Variants in PTPRM observed in about 807,000 individuals in gnomAD.
PTPRM encodes the protein protein tyrosine phosphatase receptor type M.
In PTPRM, 47 loss-of-function variants were observed where a neutral mutation model predicts 186.7. That is an observed-to-expected ratio of 0.25 (90% confidence interval 0.20 to 0.32). The LOEUF is 0.32. Among genes scored for constraint, PTPRM ranks in the 10% least tolerant of loss-of-function variants. The pLI, the probability that PTPRM is intolerant of heterozygous loss-of-function variation, is 1.00. For synonymous variants in PTPRM, 668 were observed against 674.9 expected (o/e 0.99, Z 0.16); for missense variants, 1,494 against 1,865.0 (o/e 0.80, Z 3.66).
At chr18:8,256,351 C>T (rs1054590856) in intron 19 of PTPRM, among the ~76,000 whole-genome samples, 2 of 152,202 alleles carry the variant, frequency 1.3e-5, no homozygotes, top group African/African-American at 4.8e-5. Flanking sequence ...CTCTCTGGGC[C>T]TCAGTTTCCA....
At chr18:8,258,730 G>T (rs1489625221) in intron 19 of PTPRM, among the ~76,000 whole-genome samples, 2 of 152,136 alleles carry the variant, frequency 1.3e-5, no homozygotes, top group Non-Finnish European at 2.9e-5. Flanking sequence ...GCTACTTCCA[G>T]AGAGGATGTC....
At position 7,633,550 on chromosome 18, in the gene PTPRM, G is replaced by A. The variant is rs77010222; in HGVS notation, c.73+65659G>A. Among the ~76,000 whole-genome samples the A allele has an allele frequency of 6.2e-3, 944 of 152,074 alleles. 10 individuals are homozygous for A. The highest frequency in any genetic ancestry group is 0.021 in the African/African-American group (877 of 41,472). ...TCCCACCTTCCCTTCACTCCTCTTGGAATCCCCATGTTGTCACCTGTGTGT... is the reference window on the plus strand; with the variant it reads ...TCCCACCTTCCCTTCACTCCTCTTGAAATCCCCATGTTGTCACCTGTGTGT... On this transcript the variant is annotated intron_variant, in intron 1 of 32. Transcript: ENST00000580170.
At chr18:8,271,357 A>C (rs2094769164) in intron 19 of PTPRM, among the ~76,000 whole-genome samples, 1 of 151,802 alleles carries the variant, frequency 6.6e-6, no homozygotes, top group Admixed American at 6.6e-5. Flanking sequence ...CAAAAAGCCA[A>C]CCCTTCATCC....
intron 2 of PTPRM, among the ~76,000 whole-genome samples, chr18:7,872,736 G>A (rs1288913504): frequency 1.3e-5 from 2 of 152,174 alleles, no homozygotes; most frequent in Non-Finnish European, 2.9e-5. Context: ...TTAGTATCGA[G>A]TGCCTCTGTG....
intron 1 of PTPRM, among the ~76,000 whole-genome samples, chr18:7,730,317 G>C (rs936749345): frequency 6.6e-6 from 1 of 152,130 alleles, no homozygotes; most frequent in African/African-American, 2.4e-5. Flanking sequence ...GTCTGACACT[G>C]TTTGAATATT....
At chr18:8,199,881 A>T (rs764079956) in intron 14 of PTPRM, among the ~76,000 whole-genome samples, 3 of 152,192 alleles carry the variant, frequency 2.0e-5, no homozygotes, top group Non-Finnish European at 2.9e-5. Flanking sequence ...TATAAATAAG[A>T]TTACAATGAA....
intron 2 of PTPRM, among the ~76,000 whole-genome samples, chr18:7,804,799 C>A (rs1261395564): frequency 6.6e-6 from 1 of 152,176 alleles, no homozygotes; most frequent in East Asian, 1.9e-4. Flanking sequence ...CTCTTTCAGT[C>A]TTTGTCAGCA....
intron 13 of PTPRM, among the ~76,000 whole-genome samples, chr18:8,126,004 TATATATATATATATATATATA>T (rs1431580624): frequency 1.9e-4 from 7 of 36,942 alleles, no homozygotes; most frequent in East Asian, 1.6e-3. Context: ...TATATATATA[TATATATATATATATATATATA>T]TATTTTAAAT....
chr18:8,387,329 G>A, intron 31 of PTPRM, 94 bp downstream of exon 31: 1 of 1,321,516 alleles, frequency 7.6e-7, no homozygotes, highest in Non-Finnish European at 1.0e-6. Flanking sequence ...ACTAGAAATG[G>A]AGAAGAAATA....
intron 7 of PTPRM, among the ~76,000 whole-genome samples, chr18:7,982,745 G>A (rs1230921353): frequency 1.3e-5 from 2 of 152,052 alleles, no homozygotes; most frequent in Non-Finnish European, 2.9e-5. Flanking sequence ...ATGACGTTAG[G>A]ACAGCTAGGA....
At chr18:8,354,716 A>G (rs1287167270) in intron 23 of PTPRM, among the ~76,000 whole-genome samples, 1 of 152,212 alleles carries the variant, frequency 6.6e-6, no homozygotes, top group Non-Finnish European at 1.5e-5. Context: ...CTCTCTCCCC[A>G]TTCCACAGTG....
At chr18:7,603,457 G>A (rs1313016564) in intron 1 of PTPRM, among the ~76,000 whole-genome samples, 1 of 152,196 alleles carries the variant, frequency 6.6e-6, no homozygotes, top group African/African-American at 2.4e-5. Context: ...CCTGGGCTTT[G>A]CCTGTTTGGC....
chr18:7,889,391 C>T (rs562541841), intron 3 of PTPRM, among the ~76,000 whole-genome samples: 2 of 135,342 alleles, frequency 1.5e-5, no homozygotes, highest in Admixed American at 8.2e-5. Flanking sequence ...GGCTGGAGTA[C>T]AGTGTTGTGA....
At chr18:8,046,691 C>T (rs898804306) in intron 7 of PTPRM, among the ~76,000 whole-genome samples, 1 of 152,154 alleles carries the variant, frequency 6.6e-6, no homozygotes, top group Non-Finnish European at 1.5e-5. Context: ...ATTTATTCTC[C>T]CTGCCTTCCC....
chr18:8,390,760 C>T (rs1430561248), intron 31 of PTPRM, among the ~76,000 whole-genome samples: 1 of 151,984 alleles, frequency 6.6e-6, no homozygotes, highest in Non-Finnish European at 1.5e-5. Flanking sequence ...AACCCCGTCT[C>T]TACTGAAACT....
In PTPRM at chr18:7,795,986, T is replaced by G. The variant is rs139100313; in HGVS notation, c.196+21715T>G. Among the ~76,000 whole-genome samples, 388 of 152,000 alleles carry G rather than the reference T, an allele frequency of 2.6e-3. 1 individual carries two copies. The highest frequency in any genetic ancestry group is 8.9e-3 in the African/African-American group (369 of 41,442). ...GCACCACTACAGCTAATTTTTAAAT[T>G]TTTTATAGAGACAGAGTTTCACTAT... On this transcript the variant is annotated intron_variant, in intron 2 of 32. Coordinates refer to ENST00000580170, the MANE Select transcript of PTPRM (RefSeq NM_001105244.2).
rs140974577 is a variant in PTPRM, at chr18:8,333,616, G to A, written c.2957-9807G>A. On this transcript the variant is annotated intron_variant, in intron 22 of 32. Coordinates refer to ENST00000580170, the MANE Select transcript of PTPRM (RefSeq NM_001105244.2). ...TTATAGATTATCACCAACAGCAACA[G>A]GAGCAATCATGGATCAAAAATTTAG... Among the ~76,000 whole-genome samples the A allele has an allele frequency of 7.2e-3, 1,098 of 152,298 alleles. 14 individuals are homozygous for A. Among genetic ancestry groups the A allele is most frequent in the African/African-American group, 0.025 (1,042 of 41,558 alleles).
At chr18:7,713,986 A>G (rs937121191) in intron 1 of PTPRM, among the ~76,000 whole-genome samples, 5 of 152,180 alleles carry the variant, frequency 3.3e-5, no homozygotes, top group Admixed American at 2.0e-4. Context: ...TAGCAAGGAT[A>G]TTCAGGACTT....
chr18:7,602,601 A>G (rs1050778038), intron 1 of PTPRM, among the ~76,000 whole-genome samples: 1 of 150,822 alleles, frequency 6.6e-6, no homozygotes, highest in African/African-American at 2.4e-5. Context: ...CTAATATTTT[A>G]TTTTTTGTAG....
Sources: gnomAD v4.1 joint callset for allele counts (sites outside exome capture counted in the v4.1 genomes callset) on GRCh38, gnomAD v4.1.1 for gene constraint, MANE v1.5 for transcripts, NCBI Gene and HGNC (gene_info 2026-07-23, HGNC 2026-07-21) for gene names.